DLG2: variants seen among roughly 807,000 people sequenced by gnomAD.
DLG2 encodes the protein discs large MAGUK scaffold protein 2.
In DLG2, 45 loss-of-function variants were observed where a neutral mutation model predicts 132.5. The ratio of observed to expected loss-of-function variants is 0.34; its 90% CI spans 0.27 to 0.44. The LOEUF is 0.44. Ranked by LOEUF, DLG2 falls within the 20% of genes least tolerant of loss-of-function variation. The pLI, the probability that DLG2 is intolerant of heterozygous loss-of-function variation, is 1.00. For synonymous variants in DLG2, 424 were observed against 419.6 expected, an observed-to-expected ratio of 1.01 and a Z score of -0.13; for missense variants, 1,045 against 1,196.9, an observed-to-expected ratio of 0.87 and a Z score of 1.87.
chr11:83,769,844 C>T (rs1315217308), intron 18 of DLG2, among the ~76,000 whole-genome samples: 2 of 152,024 alleles, frequency 1.3e-5, no homozygotes, highest in African/African-American at 2.4e-5. Context: ...GGATTACAGG[C>T]GTGAGCCACT....
chr11:84,447,133 T>C (rs954776198), intron 7 of DLG2, among the ~76,000 whole-genome samples: 5 of 152,314 alleles, frequency 3.3e-5, no homozygotes, highest in African/African-American at 1.2e-4. Context: ...AATAGTTAAT[T>C]AGCTAAACTA....
At chr11:85,319,949 G>A (rs913012578) in intron 3 of DLG2, among the ~76,000 whole-genome samples, 2 of 151,772 alleles carry the variant, frequency 1.3e-5, no homozygotes, top group Admixed American at 6.6e-5. Flanking sequence ...GAAAAAAATT[G>A]CAACATTTTT....
intron 6 of DLG2, among the ~76,000 whole-genome samples, chr11:84,921,710 G>T (rs1591335555): frequency 6.6e-6 from 1 of 152,064 alleles, no homozygotes; most frequent in African/African-American, 2.4e-5. Context: ...CTTTCAAAAA[G>T]ATGAGGAGGG....
At chr11:84,906,407 CACACACAG>C (rs1267725760) in intron 6 of DLG2, among the ~76,000 whole-genome samples, 1 of 151,620 alleles carries the variant, frequency 6.6e-6, no homozygotes, top group African/African-American at 2.4e-5. Context: ...CACACACACA[CACACACAG>C]AGAGCCAAGG....
intron 8 of DLG2, among the ~76,000 whole-genome samples, chr11:84,222,855 G>T (rs1314780238): frequency 1.3e-5 from 2 of 152,132 alleles, no homozygotes; most frequent in African/African-American, 4.8e-5. Context: ...TCACCAATTT[G>T]GTAAAACTGC....
intron 6 of DLG2, among the ~76,000 whole-genome samples, chr11:84,890,448 T>C (rs1441581531): frequency 1.3e-5 from 2 of 152,152 alleles, no homozygotes; most frequent in Non-Finnish European, 2.9e-5. Flanking sequence ...TTTTTAACAG[T>C]TTGAATAAGA....
intron 6 of DLG2, among the ~76,000 whole-genome samples, chr11:84,632,907 A>G (rs2099634466): frequency 6.6e-6 from 1 of 152,184 alleles, no homozygotes; most frequent in South Asian, 2.1e-4. Context: ...CCTATTCACA[A>G]TAAAAGGACA....
chr11:84,320,800 A>G (rs963127796), intron 7 of DLG2, among the ~76,000 whole-genome samples: 36 of 152,320 alleles, frequency 2.4e-4, no homozygotes, highest in African/African-American at 8.4e-4. Context: ...AAACTTTTAA[A>G]ATGTCCCGAA....
intron 4 of DLG2, among the ~76,000 whole-genome samples, chr11:85,263,888 T>A (rs546088584): frequency 6.6e-6 from 1 of 152,260 alleles, no homozygotes; most frequent in South Asian, 2.1e-4. Context: ...CAATAGTGAG[T>A]TAAAGAAAGC....
In DLG2 at chr11:85,598,667, T is replaced by C. The variant is rs978312412; in HGVS notation, c.30A>G (p.Gln10=). The change falls in exon 3 of 28, where the codon CAA becomes CAG. Residue 10 remains glutamine (Q), a synonymous_variant. Transcript: ENST00000376104. ...TTTCATAATACATACCTAGCAAAGC[T>C]TGGAATAAGCTGCTCTTAAAGATAC... is the stretch of plus-strand genomic sequence containing the variant. MGIFKSSLF[Q]ALLDIQEFYE... is the part of the protein sequence containing the mutation. 2.5e-6 allele frequency: 4 copies of C among 1,575,062 alleles called. No homozygotes were observed. The highest frequency in any genetic ancestry group is 3.4e-6 in the Non-Finnish European group (4 of 1,163,008).
intron 17 of DLG2, among the ~76,000 whole-genome samples, chr11:83,799,330 C>T (rs1343969935): frequency 6.6e-6 from 1 of 152,184 alleles, no homozygotes; most frequent in Non-Finnish European, 1.5e-5. Context: ...AAGCATTTAA[C>T]ACAATTGGAC....
At chr11:83,577,337 G>C (rs1162711386) in intron 19 of DLG2, among the ~76,000 whole-genome samples, 2 of 148,176 alleles carry the variant, frequency 1.3e-5, no homozygotes, top group African/African-American at 5.0e-5. Context: ...TCTAATAGGA[G>C]ATATATATAT....
At chr11:83,462,172 A>T (rs1209701179) in intron 26 of DLG2, 79 bp from the exon 27 acceptor site, 3 of 934,376 alleles carry the variant, frequency 3.2e-6, no homozygotes, top group African/African-American at 1.6e-5. Context: ...GGCAAAAATA[A>T]ATCCTACAGA....
chr11:84,868,609 A>T (rs2084989911), intron 6 of DLG2, among the ~76,000 whole-genome samples: 1 of 152,196 alleles, frequency 6.6e-6, no homozygotes, highest in Admixed American at 6.5e-5. Context: ...GAAAGGAAAT[A>T]GGAGTGTGTA....
At chr11:83,785,961 G>A (rs943037105) in intron 18 of DLG2, among the ~76,000 whole-genome samples, 2 of 152,078 alleles carry the variant, frequency 1.3e-5, no homozygotes, top group Non-Finnish European at 2.9e-5. Flanking sequence ...CCATAATTGT[G>A]TGCTTACATT....
rs78268040 is a variant in DLG2 at position 83,480,792 on chromosome 11, G to A, written c.2293+3337C>T. ...TGTTTTCTTGACTATAAATTCAGAC[G>A]CTTCTGGTGTGTAGGCAGTGTTTTC... On this transcript the variant is annotated intron_variant, in intron 22 of 27. Coordinates refer to ENST00000376104, the MANE Select transcript of DLG2 (RefSeq NM_001142699.3). The A allele has an allele frequency of 5.6e-3, 3,376 of 606,532 alleles. 74 individuals are homozygous for A. The highest frequency in any genetic ancestry group is 0.054 in the African/African-American group (2,910 of 53,828). The allele number at this position is 606,532 out of a possible 1,614,324, so 37.6% of individuals were successfully genotyped here.
At chr11:84,244,920 T>C (rs554378891) in intron 8 of DLG2, among the ~76,000 whole-genome samples, 2 of 152,206 alleles carry the variant, frequency 1.3e-5, no homozygotes, top group Non-Finnish European at 2.9e-5. Context: ...AAGTGAATCA[T>C]AGCCTAAATC....
chr11:85,147,643 T>C (rs1243113734), intron 5 of DLG2, among the ~76,000 whole-genome samples: 1 of 152,220 alleles, frequency 6.6e-6, no homozygotes, highest in Non-Finnish European at 1.5e-5. Context: ...ATGAATTAAG[T>C]ATAATTTTAC....
rs113724868 is a variant in DLG2, at chr11:85,549,373, C to T, written c.40+49284G>A. On this transcript the variant is annotated intron_variant, in intron 3 of 27. Coordinates refer to ENST00000376104, the MANE Select transcript of DLG2 (RefSeq NM_001142699.3). ...CTCAGCTGGAAATGCAGAAATCACC[C>T]GCCTTCTGCATCAATCTCACCAGGA... Among the ~76,000 whole-genome samples, 19 of 152,260 alleles carry T rather than the reference C, an allele frequency of 1.2e-4. 1 individual carries two copies. Among genetic ancestry groups the T allele is most frequent in the African/African-American group, 2.9e-4 (12 of 41,558 alleles).
Sources: allele counts gnomAD v4.1 joint callset (sites outside exome capture counted in the v4.1 genomes callset), GRCh38; gene constraint gnomAD v4.1.1; transcripts MANE v1.5; gene names NCBI Gene and HGNC (gene_info 2026-07-23, HGNC 2026-07-21).